Variants in SYT1 observed in about 807,000 individuals in gnomAD.
SYT1 encodes synaptotagmin-1.
In SYT1, 8 loss-of-function variants were observed where a neutral mutation model predicts 44.8. The ratio of observed to expected loss-of-function variants is 0.18; its 90% CI spans 0.10 to 0.32. The LOEUF is 0.32. Ranked by LOEUF, SYT1 falls within the 10% of genes least tolerant of loss-of-function variation. The probability of loss-of-function intolerance (pLI) is 1.00; values close to 1 mark genes in which losing one functional copy is unlikely to be tolerated. For synonymous variants in SYT1, 154 were observed against 188.8 expected (o/e 0.82, Z 1.51); for missense variants, 286 against 509.3 (o/e 0.56, Z 4.22).
chr12:79,251,346 A>T (rs1388867751), intron 4 of SYT1, among the ~76,000 whole-genome samples: 1 of 152,170 alleles, frequency 6.6e-6, no homozygotes, highest in Non-Finnish European at 1.5e-5. Context: ...GAAAAAAAAA[A>T]TCAATTAAAA....
chr12:79,131,414 T>C (rs756850550), intron 3 of SYT1, among the ~76,000 whole-genome samples: 2 of 151,932 alleles, frequency 1.3e-5, no homozygotes, highest in African/African-American at 2.4e-5. Flanking sequence ...TTGTTTGTTT[T>C]GTGTGTGTGT....
At chr12:78,875,638 TAAG>T (rs765659541) in intron 1 of SYT1, among the ~76,000 whole-genome samples, 36 of 151,646 alleles carry the variant, frequency 2.4e-4, no homozygotes, top group Non-Finnish European at 4.1e-4. Context: ...CAAACATTAT[TAAG>T]AAGTTTTCAA....
intron 8 of SYT1, among the ~76,000 whole-genome samples, chr12:79,335,486 G>T (rs1468288181): frequency 1.3e-5 from 2 of 150,798 alleles, no homozygotes; most frequent in Non-Finnish European, 2.9e-5. Flanking sequence ...CCTTTCCTCT[G>T]CAAGAACCAT....
chr12:79,054,047 T>C (rs1874745718), intron 3 of SYT1, among the ~76,000 whole-genome samples: 1 of 152,040 alleles, frequency 6.6e-6, no homozygotes, highest in Non-Finnish European at 1.5e-5. Context: ...TTGAACTAAA[T>C]TTCATTTAAT....
intron 8 of SYT1, among the ~76,000 whole-genome samples, chr12:79,343,064 A>G (rs548342889): frequency 1.3e-5 from 2 of 152,348 alleles, no homozygotes; most frequent in East Asian, 3.9e-4. Flanking sequence ...CAGAGAAACT[A>G]AAATCAGGAA....
intron 1 of SYT1, among the ~76,000 whole-genome samples, chr12:78,920,816 G>A (rs1724873807): frequency 1.3e-5 from 2 of 151,798 alleles, no homozygotes; most frequent in Admixed American, 1.3e-4. Context: ...TGCTAATAAT[G>A]ATGATAATGA....
intron 1 of SYT1, among the ~76,000 whole-genome samples, chr12:78,875,551 A>G (rs1418455186): frequency 2.0e-5 from 3 of 151,624 alleles, no homozygotes; most frequent in African/African-American, 4.8e-5. Context: ...CAATGGGAAC[A>G]GTTTGGTCTA....
At chr12:78,974,036 A>C (rs2137405948) in intron 1 of SYT1, among the ~76,000 whole-genome samples, 1 of 134,180 alleles carries the variant, frequency 7.5e-6, no homozygotes, top group Non-Finnish European at 1.5e-5. Context: ...ATGCATCATT[A>C]GGCATTTTGT....
intron 1 of SYT1, among the ~76,000 whole-genome samples, chr12:78,883,145 T>C (rs1874548254): frequency 6.6e-6 from 1 of 151,752 alleles, no homozygotes; most frequent in African/African-American, 2.4e-5. Flanking sequence ...CTTCGAACAG[T>C]AATACACTAA....
At chr12:79,196,025 G>A (rs1050679196) in intron 3 of SYT1, among the ~76,000 whole-genome samples, 7 of 152,112 alleles carry the variant, frequency 4.6e-5, no homozygotes, top group Non-Finnish European at 1.0e-4. Context: ...GCTTCTGTGT[G>A]CCAAGTGTTA....
At chr12:79,243,165 A>G (rs1237701218) in intron 4 of SYT1, among the ~76,000 whole-genome samples, 1 of 152,210 alleles carries the variant, frequency 6.6e-6, no homozygotes, top group East Asian at 1.9e-4. Context: ...GGTCCCTCCC[A>G]CAACATGTGG....
chr12:79,353,952 T>G (rs939519664), intron 9 of SYT1, among the ~76,000 whole-genome samples: 1 of 151,984 alleles, frequency 6.6e-6, no homozygotes, highest in African/African-American at 2.4e-5. Flanking sequence ...TTAGAGGGGG[T>G]TTTTGGTCAA....
intron 8 of SYT1, among the ~76,000 whole-genome samples, chr12:79,305,264 C>T (rs1330404551): frequency 1.3e-5 from 2 of 152,066 alleles, no homozygotes; most frequent in Admixed American, 6.5e-5. Context: ...ATAAATTAGA[C>T]TCTAATTTGA....
intron 4 of SYT1, among the ~76,000 whole-genome samples, chr12:79,269,905 A>G (rs1406963163): frequency 1.3e-5 from 2 of 152,112 alleles, no homozygotes; most frequent in African/African-American, 4.8e-5. Flanking sequence ...CTTCATTTGG[A>G]CCTCTGATTG....
intron 9 of SYT1, among the ~76,000 whole-genome samples, chr12:79,409,910 C>A (rs1868350634): frequency 6.7e-6 from 1 of 148,696 alleles, no homozygotes; most frequent in African/African-American, 2.4e-5. Context: ...AAAAGTATCA[C>A]TCTAAACTGT....
At chr12:79,239,128 A>C (rs989784751) in intron 4 of SYT1, among the ~76,000 whole-genome samples, 1 of 152,344 alleles carries the variant, frequency 6.6e-6, no homozygotes, top group East Asian at 1.9e-4. Context: ...TTTAGATACT[A>C]TGTTTCCCTA....
intron 2 of SYT1, among the ~76,000 whole-genome samples, chr12:78,985,846 C>A (rs1318733634): frequency 1.3e-5 from 2 of 151,988 alleles, no homozygotes; most frequent in South Asian, 4.1e-4. Flanking sequence ...CAATTTCAAA[C>A]GGTATTCATC....
rs940069006 is a variant in SYT1, at chr12:79,449,324, A to G, written c.*200A>G. On this transcript the variant is annotated 3_prime_UTR_variant, in exon 11 of 11. Transcript: ENST00000261205. ...TCCTTCATCATACCACTGCCCTCCAAATCTACTCTTCTTTTAAGCAATATG... is the reference window on the plus strand; with the variant it reads ...TCCTTCATCATACCACTGCCCTCCAGATCTACTCTTCTTTTAAGCAATATG... The G allele has an allele frequency of 6.9e-6, 4 of 583,104 alleles. No individual in the cohort carries two copies. The highest frequency in any genetic ancestry group is 5.6e-5 in the African/African-American group (3 of 53,586). 36.1% of individuals were successfully genotyped at this position (583,104 alleles called of 1,614,324 possible). A position where few individuals can be genotyped will look rare whatever the true frequency, so the allele number is the denominator to read the frequency against.
chr12:78,896,466 GA>G (rs561839172), intron 1 of SYT1, among the ~76,000 whole-genome samples: 5 of 151,430 alleles, frequency 3.3e-5, no homozygotes, highest in South Asian at 4.2e-4. Context: ...AATCTATTGG[GA>G]AAAAAAATTT....
Sources: allele counts gnomAD v4.1 joint callset (sites outside exome capture counted in the v4.1 genomes callset), GRCh38; gene constraint gnomAD v4.1.1; transcripts MANE v1.5; gene names NCBI Gene and HGNC (gene_info 2026-07-23, HGNC 2026-07-21).